Variants in EXOC6 observed in about 807,000 individuals in gnomAD.
The protein encoded by EXOC6 is SEC15-like 1.
In EXOC6, 60 loss-of-function variants were observed where a neutral mutation model predicts 112.5. The observed-to-expected ratio is 0.53, with a 90% CI of 0.43 to 0.66. EXOC6 has a LOEUF of 0.66. EXOC6 is among the 30% of genes least tolerant of loss of function. EXOC6 has a pLI of 0.00. For synonymous variants in EXOC6, 295 were observed against 308.0 expected (o/e 0.96, Z 0.44); for missense variants, 855 against 957.1 (o/e 0.89, Z 1.41).
chr10:92,972,899 T>C (rs1031551428), intron 17 of EXOC6, among the ~76,000 whole-genome samples: 3 of 152,212 alleles, frequency 2.0e-5, no homozygotes, highest in African/African-American at 7.2e-5. Context: ...GCCCTATGTA[T>C]GTATGTGGCC....
At chr10:92,937,821 T>C (rs187330459) in intron 12 of EXOC6, among the ~76,000 whole-genome samples, 26 of 152,254 alleles carry the variant, frequency 1.7e-4, no homozygotes, top group Admixed American at 1.5e-3. Context: ...GGATAGTAAT[T>C]TTGCTGTACT....
Position 92,980,739 on chromosome 10 carries a change from A to G in EXOC6, c.1953+6507A>G, listed in dbSNP as rs541231779. Among the ~76,000 whole-genome samples, 121 of 152,340 alleles carry G rather than the reference A, an allele frequency of 7.9e-4. No individual in the cohort carries two copies. In the South Asian group the frequency reaches 0.024, roughly 30 times the overall value. On this transcript the variant is annotated intron_variant, in intron 18 of 21. Coordinates refer to ENST00000260762, the MANE Select transcript of EXOC6 (RefSeq NM_019053.6). Reference sequence around the variant, plus strand: ...TTTATCTCTAAATTAGTACCCTTGGAAATCATGCCAATTTTCAATATTTTA... The same window carrying G: ...TTTATCTCTAAATTAGTACCCTTGGGAATCATGCCAATTTTCAATATTTTA...
intron 8 of EXOC6, among the ~76,000 whole-genome samples, chr10:92,921,069 T>C (rs1589835113): frequency 6.6e-6 from 1 of 152,230 alleles, no homozygotes; most frequent in East Asian, 1.9e-4. Context: ...TTGGAGTGTT[T>C]AGTTCATTTA....
Position 93,001,171 on chromosome 10 carries a change from A to T in EXOC6, c.2095+3556A>T, listed in dbSNP as rs1213145190. On this transcript the variant is annotated intron_variant, in intron 19 of 21. Transcript: ENST00000260762. ...AAGTCTGTGAAGAGAAAAGGTCAGGATACCATGGAAATCAACTGGAATATG... is the reference window on the plus strand; with the variant it reads ...AAGTCTGTGAAGAGAAAAGGTCAGGTTACCATGGAAATCAACTGGAATATG... 2.6e-5 allele frequency among the ~76,000 whole-genome samples: 4 copies of T among 152,168 alleles called. No individual in the cohort carries two copies. The South Asian group carries it at 8.3e-4, about 32-fold the overall frequency.
chr10:93,052,838 GT>G (rs1456768130), intron 20 of EXOC6, among the ~76,000 whole-genome samples: 7 of 152,002 alleles, frequency 4.6e-5, no homozygotes, highest in Admixed American at 1.3e-4. Flanking sequence ...GGAGATTTTT[GT>G]TTTTGTTCAT....
At chr10:93,021,494 C>T (rs918291357) in intron 20 of EXOC6, among the ~76,000 whole-genome samples, 4 of 152,136 alleles carry the variant, frequency 2.6e-5, no homozygotes, top group Admixed American at 6.5e-5. Context: ...AGGGAGTTTT[C>T]GCTTTATCCC....
intron 17 of EXOC6, among the ~76,000 whole-genome samples, chr10:92,969,916 A>C (rs1213738367): frequency 6.6e-6 from 1 of 152,078 alleles, no homozygotes; most frequent in Non-Finnish European, 1.5e-5. Context: ...CTGGTCTCGA[A>C]CTTCTGACGT....
At chr10:92,936,310 T>A (rs907987014) in intron 12 of EXOC6, among the ~76,000 whole-genome samples, 4 of 152,228 alleles carry the variant, frequency 2.6e-5, no homozygotes, top group African/African-American at 9.6e-5. Context: ...TCTTTAAGCT[T>A]TAGATCCTTA....
At chr10:92,859,096 A>T (rs1847769063) in intron 1 of EXOC6, among the ~76,000 whole-genome samples, 1 of 152,010 alleles carries the variant, frequency 6.6e-6, no homozygotes, top group Non-Finnish European at 1.5e-5. Flanking sequence ...TATTGGTCTC[A>T]GTCTTCTGTT....
chr10:92,917,111 C>T (rs1423880833), intron 7 of EXOC6, among the ~76,000 whole-genome samples: 3 of 151,936 alleles, frequency 2.0e-5, no homozygotes, highest in South Asian at 2.1e-4. Context: ...TACAGGCATG[C>T]GCCACCATGC....
chr10:92,983,776 G>A (rs79910255), intron 18 of EXOC6, among the ~76,000 whole-genome samples: 1,619 of 152,062 alleles, frequency 0.011, 34 homozygotes, highest in African/African-American at 0.037. Flanking sequence ...CAAAGTGATA[G>A]GATTATAGGC....
intron 20 of EXOC6, among the ~76,000 whole-genome samples, chr10:93,033,390 AC>A (rs879874310): frequency 6.6e-6 from 1 of 152,140 alleles, no homozygotes; most frequent in Non-Finnish European, 1.5e-5. Context: ...AGTTGAATTT[AC>A]CCTGAGCAAC....
At chr10:92,953,037 G>A (rs576826352) in intron 15 of EXOC6, among the ~76,000 whole-genome samples, 15 of 152,136 alleles carry the variant, frequency 9.9e-5, no homozygotes, top group African/African-American at 3.6e-4. Context: ...TGGGACTGCT[G>A]GGTTGAATGG....
chr10:93,040,238 T>G (rs75924500), intron 20 of EXOC6, among the ~76,000 whole-genome samples: 5,398 of 152,298 alleles, frequency 0.035, 184 homozygotes, highest in East Asian at 0.13. Context: ...TTCATCTGCC[T>G]TTCCTCTGCT....
At chr10:92,950,468 C>G (rs1422555950) in intron 14 of EXOC6, among the ~76,000 whole-genome samples, 1 of 152,072 alleles carries the variant, frequency 6.6e-6, no homozygotes, top group Admixed American at 6.6e-5. Context: ...CATATACCTA[C>G]TATATACCAG....
chr10:93,007,884 T>G (rs928756368), intron 19 of EXOC6, among the ~76,000 whole-genome samples: 2 of 152,128 alleles, frequency 1.3e-5, no homozygotes, highest in East Asian at 3.9e-4. Flanking sequence ...ATTTGAAAAC[T>G]TGGAATCAGG....
At chr10:92,836,814 G>A (rs1316347869) in intron 1 of EXOC6, among the ~76,000 whole-genome samples, 4 of 152,054 alleles carry the variant, frequency 2.6e-5, no homozygotes, top group African/African-American at 9.7e-5. Flanking sequence ...CCAAATACGA[G>A]GGTTGAAAAA....
chr10:92,938,891 T>C (rs1054466055), intron 12 of EXOC6, among the ~76,000 whole-genome samples: 1 of 152,108 alleles, frequency 6.6e-6, no homozygotes, highest in Non-Finnish European at 1.5e-5. Flanking sequence ...AGGAAGGCTA[T>C]ACAGAAAGTT....
chr10:92,975,481 G>C (rs1323407686), intron 18 of EXOC6, among the ~76,000 whole-genome samples: 1 of 149,454 alleles, frequency 6.7e-6, no homozygotes, highest in East Asian at 2.0e-4. Context: ...AGGTGGGGGG[G>C]GTCAGCCCCC....
Sources: gnomAD v4.1 joint callset for allele counts (sites outside exome capture counted in the v4.1 genomes callset) on GRCh38, gnomAD v4.1.1 for gene constraint, MANE v1.5 for transcripts, NCBI Gene and HGNC (gene_info 2026-07-23, HGNC 2026-07-21) for gene names.